DNAH9: variants seen among roughly 807,000 people sequenced by gnomAD.
The protein encoded by DNAH9 is DNAH9 variant protein.
In DNAH9, 345 loss-of-function variants were observed where a neutral mutation model predicts 471.6. The observed-to-expected ratio is 0.73, with a 90% CI of 0.67 to 0.80. The LOEUF (loss-of-function observed/expected upper bound fraction) is 0.80, where lower values mean the gene tolerates loss of function less well. Ranked by LOEUF, DNAH9 falls within the 30% of genes least tolerant of loss-of-function variation. DNAH9 has a pLI of 0.00. For missense variants in DNAH9, 5,407 were observed against 5,609.2 expected (o/e 0.96, Z 1.15); for synonymous variants, 2,093 against 2,123.6 (o/e 0.99, Z 0.40).
chr17:11,887,106 T>C (rs971157886), intron 57 of DNAH9, 141 bp downstream of exon 57: 7 of 1,159,676 alleles, frequency 6.0e-6, no homozygotes, highest in Non-Finnish European at 8.4e-6. Context: ...GGAGCTATGT[T>C]ACCTTCAGAC....
rs1977049214 is a variant in DNAH9, at chr17:11,969,611, CACTT to C, written c.*86_*89del. 7.3e-6 allele frequency: 8 copies of C among 1,095,886 alleles called. No homozygotes were observed. In the South Asian group the frequency reaches 1.3e-4, roughly 18 times the overall value. 67.9% of individuals were successfully genotyped at this position (1,095,886 alleles called of 1,614,324 possible). On this transcript the variant is annotated 3_prime_UTR_variant, in exon 69 of 69. Transcript: ENST00000262442. ...CAGGTGGGTGAAGGGTCACCACAGACACTTAGAACGGTAAGAAACCATGAGCACT... is the reference window on the plus strand; with the variant it reads ...CAGGTGGGTGAAGGGTCACCACAGACAGAACGGTAAGAAACCATGAGCACT...
chr17:11,757,774 T>A (rs1967463702), intron 35 of DNAH9, 82 bp downstream of exon 35: 3 of 1,451,274 alleles, frequency 2.1e-6, no homozygotes, highest in Non-Finnish European at 2.8e-6. Context: ...CTGCTGATGT[T>A]CTGTCCTGTC....
At chr17:11,616,134 G>A (rs2150649577) in intron 4 of DNAH9, among the ~76,000 whole-genome samples, 1 of 152,242 alleles carries the variant, frequency 6.6e-6, no homozygotes, top group East Asian at 1.9e-4. Context: ...TCCTTAGCTG[G>A]ACAGGATTGG....
In DNAH9 at chr17:11,763,574, C is replaced by T. The variant is rs781264092; in HGVS notation, c.7130C>T (p.Ala2377Val). 8.1e-6 allele frequency: 13 copies of T among 1,614,162 alleles called. No homozygotes were observed. The South Asian group carries it at 9.9e-5, about 12-fold the overall frequency. ...ATTTATGAGCATTATTTTGTGTTTG[C>T]TGCCATCTGGGCTTTCGGCGGAGCA... ...KEIYEHYFVFAAIWAFGGAMV... is the reference protein window; with the variant it reads ...KEIYEHYFVFVAIWAFGGAMV... The change falls in exon 36 of 69, where the codon GCT becomes GTT. Residue 2377 changes from alanine to valine, a missense_variant. Transcript: ENST00000262442.
At chr17:11,720,339 G>GC (rs2075033485) in intron 27 of DNAH9, among the ~76,000 whole-genome samples, 1 of 151,670 alleles carries the variant, frequency 6.6e-6, no homozygotes, top group South Asian at 2.1e-4. Flanking sequence ...ATGTTGGTGT[G>GC]CTGCACCCAT....
intron 19 of DNAH9, 64 bp from the exon 20 acceptor site, chr17:11,689,502 T>C: frequency 2.1e-6 from 3 of 1,399,786 alleles, no homozygotes; most frequent in Non-Finnish European, 2.9e-6. Flanking sequence ...GTTGCTACCT[T>C]AGAGATGCTA....
chr17:11,960,005 C>T lies in DNAH9; in HGVS notation c.12844-1862C>T, dbSNP rs77659385. 4.9e-3 allele frequency among the ~76,000 whole-genome samples: 747 copies of T among 152,248 alleles called. 5 individuals carry two copies. The highest frequency in any genetic ancestry group is 8.3e-3 in the Non-Finnish European group (565 of 68,024). On this transcript the variant is annotated intron_variant, in intron 67 of 68. Transcript: ENST00000262442. ...GACACTACAGTCTAGAAAGTGAATT[C>T]GTAATAATTATACTTCATGTAGGAA... is the stretch of plus-strand genomic sequence containing the variant.
intron 17 of DNAH9, among the ~76,000 whole-genome samples, chr17:11,672,770 T>G (rs1195546676): frequency 6.6e-6 from 1 of 152,038 alleles, no homozygotes; most frequent in Non-Finnish European, 1.5e-5. Context: ...GCTACCTACA[T>G]CTCTTCTGCA....
chr17:11,792,469 GTTGAGGTTA>G (rs1300312405), intron 41 of DNAH9, among the ~76,000 whole-genome samples: 1 of 152,202 alleles, frequency 6.6e-6, no homozygotes, highest in African/African-American at 2.4e-5. Flanking sequence ...TAGAGAATTT[GTTGAGGTTA>G]TTGAGGGGCT....
At position 11,849,340 on chromosome 17, in the gene DNAH9, A is replaced by T. The variant is rs537189333; in HGVS notation, c.9508-4663A>T. ...AGTGTGTCTGCACTGCAACAAGCAT[A>T]TCTGAGAGCATAAGCCTCATCATTC... On this transcript the variant is annotated intron_variant, in intron 49 of 68. Transcript: ENST00000262442. 1.7e-4 allele frequency among the ~76,000 whole-genome samples: 26 copies of T among 152,280 alleles called. No individual in the cohort carries two copies. The East Asian group carries it at 4.8e-3, about 28-fold the overall frequency.
At chr17:11,850,581 G>T (rs1446121102) in intron 49 of DNAH9, among the ~76,000 whole-genome samples, 4 of 151,700 alleles carry the variant, frequency 2.6e-5, no homozygotes, top group African/African-American at 9.7e-5. Context: ...AACCCGGGAG[G>T]TGGAGGTTGC....
chr17:11,816,552 A>G (rs1970103950), intron 45 of DNAH9, among the ~76,000 whole-genome samples: 1 of 152,206 alleles, frequency 6.6e-6, no homozygotes, highest in Non-Finnish European at 1.5e-5. Flanking sequence ...TTCTCCTTTA[A>G]GAATAGGGAA....
chr17:11,937,237 G>A lies in DNAH9; in HGVS notation c.12490-115G>A. On this transcript the variant is annotated intron_variant, in intron 65 of 68. Transcript: ENST00000262442. This position sits in a 1 kb window ranked among gnomAD's most constrained non-coding sequence, Gnocchi z 4.1. ...TGAAGTCAACCAGGGATGGTGAGCAGTGTCCCCTGGAGGAGGGATACTAGC... is the reference window on the plus strand; with the variant it reads ...TGAAGTCAACCAGGGATGGTGAGCAATGTCCCCTGGAGGAGGGATACTAGC... The A allele has an allele frequency of 7.9e-7, 1 of 1,270,210 alleles. No individual in the cohort carries two copies. Among genetic ancestry groups the A allele is most frequent in the Non-Finnish European group, 1.1e-6 (1 of 927,210 alleles). The allele number at this position is 1,270,210 out of a possible 1,614,324, so 78.7% of individuals were successfully genotyped here.
intron 14 of DNAH9, among the ~76,000 whole-genome samples, 165 bp from the exon 15 acceptor site, chr17:11,664,668 C>A (rs2073835147): frequency 6.6e-6 from 1 of 152,202 alleles, no homozygotes; most frequent in African/African-American, 2.4e-5. Flanking sequence ...TCCTTTCAGT[C>A]AATGGTAATA....
chr17:11,646,971 C>T, intron 11 of DNAH9, 101 bp from the exon 12 acceptor site: 2 of 1,241,698 alleles, frequency 1.6e-6, no homozygotes, highest in South Asian at 3.0e-5. Context: ...CTGGTTGGGT[C>T]AATGACTAGT....
At position 11,797,612 on chromosome 17, in the gene DNAH9, G is replaced by A; in HGVS notation, c.8239G>A (p.Val2747Met). ...TCATCACCAGGATATTGAAGACCCT[G>A]TGGAGCAGACCCAAAGCCCGAACCT... is the stretch of plus-strand genomic sequence containing the variant. ...KKTFDDIEDPVEQTQSPNLYC... is the reference protein window; with the variant it reads ...KKTFDDIEDPMEQTQSPNLYC... The change falls in exon 43 of 69, where the codon GTG becomes ATG. Residue 2747 changes from valine (V) to methionine (M), a missense_variant. Physicochemically the swap from Val to Met is conservative, Grantham distance 21. Transcript: ENST00000262442. The A allele has an allele frequency of 1.2e-6, 2 of 1,613,242 alleles. No homozygotes were observed. Among genetic ancestry groups the A allele is most frequent in the African/African-American group, 2.7e-5 (2 of 75,030 alleles).
intron 39 of DNAH9, among the ~76,000 whole-genome samples, chr17:11,781,916 C>T (rs1481718074): frequency 2.0e-5 from 3 of 150,474 alleles, no homozygotes; most frequent in Admixed American, 1.3e-4. Context: ...TCAGTGCCTT[C>T]AGAGCAGCTC....
At chr17:11,699,017 A>G (rs1456022011) in intron 22 of DNAH9, among the ~76,000 whole-genome samples, 2 of 152,082 alleles carry the variant, frequency 1.3e-5, no homozygotes, top group East Asian at 3.9e-4. Context: ...TTGGGAGGCC[A>G]AGGGGGGCGG....
At chr17:11,849,412 TA>T (rs1414311619) in intron 49 of DNAH9, among the ~76,000 whole-genome samples, 2 of 152,030 alleles carry the variant, frequency 1.3e-5, no homozygotes, top group African/African-American at 4.8e-5. Context: ...GAAATTAGAG[TA>T]AAATCCATAC....
Sources: gnomAD v4.1 joint callset for allele counts (sites outside exome capture counted in the v4.1 genomes callset) on GRCh38, gnomAD v4.1.1 for gene constraint, Gnocchi (gnomAD v3.1) non-coding constraint, MANE v1.5 for transcripts, NCBI Gene and HGNC (gene_info 2026-07-23, HGNC 2026-07-21) for gene names.